CUX1: variants seen among roughly 807,000 people sequenced by gnomAD.
The protein encoded by CUX1 is cut like homeobox 1.
Under a neutral mutation model 158.8 loss-of-function variants are expected in CUX1, and 31 were observed. The ratio of observed to expected loss-of-function variants is 0.20; its 90% CI spans 0.15 to 0.26. CUX1 has a LOEUF of 0.26. Ranked by LOEUF, CUX1 falls within the 10% of genes least tolerant of loss-of-function variation. The pLI is 1.00. For synonymous variants in CUX1, 879 were observed against 862.1 expected, an observed-to-expected ratio of 1.02 and a Z score of -0.34; for missense variants, 1,589 against 2,014.6, an observed-to-expected ratio of 0.79 and a Z score of 4.04.
intron 2 of CUX1, among the ~76,000 whole-genome samples, chr7:101,981,430 T>C (rs976941589): frequency 1.2e-4 from 18 of 152,338 alleles, no homozygotes; most frequent in African/African-American, 4.1e-4. Context: ...GGGCACTCAG[T>C]GTGGCCTGGG....
chr7:102,205,295 A>G (rs1425515780), intron 20 of CUX1, 125 bp downstream of exon 20: 2 of 713,176 alleles, frequency 2.8e-6, no homozygotes, highest in South Asian at 1.6e-5. Flanking sequence ...GAGCTGAAAT[A>G]TGGCATCCTA....
At chr7:102,106,854 A>G (rs1830413094) in intron 6 of CUX1, among the ~76,000 whole-genome samples, 1 of 152,180 alleles carries the variant, frequency 6.6e-6, no homozygotes, top group Non-Finnish European at 1.5e-5. Flanking sequence ...AGCCCTTGCC[A>G]GCTAAGCCCT....
At chr7:101,971,712 G>C (rs1811974799) in intron 2 of CUX1, among the ~76,000 whole-genome samples, 1 of 152,150 alleles carries the variant, frequency 6.6e-6, no homozygotes, top group Admixed American at 6.5e-5. Flanking sequence ...AGCTCCTCTG[G>C]TGTTGGCAAA....
intron 2 of CUX1, among the ~76,000 whole-genome samples, chr7:101,930,992 G>C (rs1346771476): frequency 6.6e-6 from 1 of 152,188 alleles, no homozygotes. Context: ...AGCTATTCAG[G>C]AGGCTGAGAC....
At chr7:102,047,902 G>A (rs1823011404) in intron 3 of CUX1, among the ~76,000 whole-genome samples, 1 of 152,126 alleles carries the variant, frequency 6.6e-6, no homozygotes, top group South Asian at 2.1e-4. Context: ...TCCTGTGTGT[G>A]GTTCTGAGGA....
rs182687725 is a variant in CUX1, at chr7:102,214,727, G to A, written c.3130+9557G>A. 1.3e-3 allele frequency among the ~76,000 whole-genome samples: 197 copies of A among 152,348 alleles called. 1 individual carries two copies. The South Asian group carries it at 0.016, about 12-fold the overall frequency. The stretch of plus-strand genomic sequence containing the variant: ...GGCCCGAGGGACCTGCCCCGCTCCC[G>A]GTGAGGATAAGGAGGGGAGTTTCTT... On this transcript the variant is annotated intron_variant, in intron 20 of 23. Transcript: ENST00000292535.
intron 8 of CUX1, among the ~76,000 whole-genome samples, chr7:102,136,622 GT>G (rs1833939168): frequency 6.6e-6 from 1 of 152,116 alleles, no homozygotes; most frequent in Admixed American, 6.6e-5. Flanking sequence ...AACTCCTGAC[GT>G]CATGATCCGC....
chr7:102,210,990 G>A (rs1433622135), intron 20 of CUX1, among the ~76,000 whole-genome samples: 1 of 152,208 alleles, frequency 6.6e-6, no homozygotes, highest in Non-Finnish European at 1.5e-5. Flanking sequence ...GGGCTCGTGA[G>A]CTTTGAACTC....
At chr7:102,132,206 G>A (rs201528) in intron 8 of CUX1, among the ~76,000 whole-genome samples, 30,580 of 145,920 alleles carry the variant, frequency 0.21, 3,384 homozygotes, top group Middle Eastern at 0.29. Context: ...GGATGGGCGG[G>A]TGGATAGATG....
chr7:102,030,468 T>C (rs1478312962), intron 3 of CUX1, among the ~76,000 whole-genome samples: 2 of 151,030 alleles, frequency 1.3e-5, no homozygotes, highest in Admixed American at 1.3e-4. Flanking sequence ...GCTCCCGAAG[T>C]TAAGGAATTA....
chr7:102,282,331 G>C (rs1554549536), intron 21 of CUX1, among the ~76,000 whole-genome samples: 1 of 152,132 alleles, frequency 6.6e-6, no homozygotes. Flanking sequence ...AGCGGATAAG[G>C]GCCTCCATGT....
At chr7:102,127,093 A>G (rs1447917207) in intron 8 of CUX1, among the ~76,000 whole-genome samples, 2 of 152,246 alleles carry the variant, frequency 1.3e-5, no homozygotes, top group Non-Finnish European at 2.9e-5. Context: ...AGCTGTAAAT[A>G]CAGACGAAGC....
At chr7:101,870,267 C>A (rs1243510195) in intron 1 of CUX1, among the ~76,000 whole-genome samples, 2 of 151,600 alleles carry the variant, frequency 1.3e-5, no homozygotes, top group Non-Finnish European at 2.9e-5. Context: ...AATCCTCCCA[C>A]CTCAGACTCC....
chr7:102,130,270 T>C (rs1833069366), intron 8 of CUX1, among the ~76,000 whole-genome samples: 1 of 152,210 alleles, frequency 6.6e-6, no homozygotes, highest in Non-Finnish European at 1.5e-5. Flanking sequence ...CCTTCAGATT[T>C]AATGCTCCAA....
chr7:101,889,521 A>T (rs1230744808), intron 1 of CUX1, among the ~76,000 whole-genome samples: 1 of 152,222 alleles, frequency 6.6e-6, no homozygotes. Context: ...CTGTCATCCC[A>T]ACACTTTGGG....
At position 102,097,443 on chromosome 7, in the gene CUX1, G is replaced by A; in HGVS notation, c.348G>A (p.Gln116=). The change falls in exon 5 of 24, where the codon CAG becomes CAA. Residue 116 remains glutamine (Q), a synonymous_variant. Coordinates refer to ENST00000292535, the MANE Select transcript of CUX1 (RefSeq NM_181552.4). ...QRLHDIETEN[Q]KLRETLEEYN... is the part of the protein sequence containing the mutation. The stretch of plus-strand genomic sequence containing the variant: ...TGCACGATATTGAAACAGAGAACCA[G>A]AAACTTAGGGAAACTCTGGAAGAAT... 2 of 1,613,572 alleles carry A rather than the reference G, an allele frequency of 1.2e-6. No homozygotes were observed. The highest frequency in any genetic ancestry group is 1.7e-6 in the Non-Finnish European group (2 of 1,179,908).
chr7:101,926,940 T>C (rs995568227), intron 2 of CUX1, among the ~76,000 whole-genome samples: 35 of 151,920 alleles, frequency 2.3e-4, no homozygotes, highest in African/African-American at 8.5e-4. Flanking sequence ...ACAGCAGGGA[T>C]GGAGGGAGAA....
chr7:102,268,094 G>A (rs550067265), intron 14 of CUX1, among the ~76,000 whole-genome samples: 11 of 152,198 alleles, frequency 7.2e-5, no homozygotes, highest in Middle Eastern at 3.4e-3. Flanking sequence ...GAAGGGGACC[G>A]TCTTGGGCCC....
intron 11 of CUX1, among the ~76,000 whole-genome samples, chr7:102,179,812 T>G (rs1292992442): frequency 3.9e-5 from 6 of 152,182 alleles, no homozygotes; most frequent in African/African-American, 1.4e-4. Context: ...GGCCAGGGGT[T>G]CCCTGCTCTG....
Sources: gnomAD v4.1 joint callset for allele counts (sites outside exome capture counted in the v4.1 genomes callset) on GRCh38, gnomAD v4.1.1 for gene constraint, MANE v1.5 for transcripts, NCBI Gene and HGNC (gene_info 2026-07-23, HGNC 2026-07-21) for gene names.